The following DENND1A variants were observed in gnomAD, a reference collection of about 807,000 sequenced individuals.
The protein encoded by DENND1A is DENN domain containing 1A, also known as DENN domain-containing protein 1A.
In DENND1A, 51 loss-of-function variants were observed where a neutral mutation model predicts 113.7. The ratio of observed to expected loss-of-function variants is 0.45; its 90% confidence interval spans 0.36 to 0.57. The LOEUF (loss-of-function observed/expected upper bound fraction) is 0.57, where lower values mean the gene tolerates loss of function less well. Among genes scored for constraint, DENND1A ranks in the 20% least tolerant of loss-of-function variants. DENND1A has a pLI of 0.00. For missense variants in DENND1A, 1,258 were observed against 1,395.9 expected (o/e 0.90, Z 1.57); for synonymous variants, 565 against 570.8 (o/e 0.99, Z 0.14).
At chr9:123,445,822 A>G (rs1391463728) in intron 18 of DENND1A, among the ~76,000 whole-genome samples, 1 of 152,148 alleles carries the variant, frequency 6.6e-6, no homozygotes, top group East Asian at 1.9e-4. Context: ...AGCTGAGATC[A>G]CACCACTGCA....
rs2042199522 is a variant in DENND1A, at chr9:123,380,085, G to GT, written c.*1346dup. On this transcript the variant is annotated 3_prime_UTR_variant, in exon 24 of 24. Transcript: ENST00000394215. Reference sequence around the variant, plus strand: ...CTCAGACATAGAGGGGGCTCCCTGGGTGACATCTCCAGAGACCCCCTTGTC... The same window carrying GT: ...CTCAGACATAGAGGGGGCTCCCTGGGTTGACATCTCCAGAGACCCCCTTGTC... 6.6e-6 allele frequency: 1 copy of GT among 152,240 alleles called. No individual in the cohort carries two copies. Among genetic ancestry groups the GT allele is most frequent in the Admixed American group, 6.5e-5 (1 of 15,278 alleles). 9.4% of individuals were successfully genotyped at this position (152,240 alleles called of 1,614,324 possible). A position where few individuals can be genotyped will look rare whatever the true frequency, so the allele number is the denominator to read the frequency against.
chr9:123,823,402 CA>C (rs1838810707), intron 2 of DENND1A, among the ~76,000 whole-genome samples: 2 of 151,924 alleles, frequency 1.3e-5, no homozygotes, highest in South Asian at 4.2e-4. Context: ...GAATGCGGGT[CA>C]AAAGAAGAAA....
At chr9:123,652,386 G>A (rs1177959143) in intron 8 of DENND1A, 8 of 357,166 alleles carry the variant, frequency 2.2e-5, no homozygotes, top group South Asian at 1.8e-4. Context: ...CCAGCACTTA[G>A]GTCAGTTCCT....
intron 1 of DENND1A, among the ~76,000 whole-genome samples, chr9:123,904,426 C>T (rs1393039186): frequency 8.7e-5 from 13 of 150,210 alleles, no homozygotes; most frequent in Admixed American, 1.3e-4. Context: ...CTCTGAGCTA[C>T]GGGAGGACAT....
intron 11 of DENND1A, among the ~76,000 whole-genome samples, chr9:123,594,231 G>T (rs2059588562): frequency 6.6e-6 from 1 of 152,146 alleles, no homozygotes; most frequent in Non-Finnish European, 1.5e-5. Flanking sequence ...TGTGTATCAG[G>T]AACTGTGTGA....
intron 19 of DENND1A, among the ~76,000 whole-genome samples, chr9:123,425,591 C>G (rs1016429065): frequency 6.6e-6 from 1 of 150,776 alleles, no homozygotes; most frequent in Non-Finnish European, 1.5e-5. Flanking sequence ...CCTTTCCTGC[C>G]CGCACTCATT....
intron 13 of DENND1A, among the ~76,000 whole-genome samples, chr9:123,467,437 C>T (rs911393300): frequency 1.7e-4 from 26 of 152,252 alleles, no homozygotes; most frequent in African/African-American, 5.5e-4. Flanking sequence ...GGGTGGCTCA[C>T]GAGGTCAAGA....
intron 13 of DENND1A, 107 bp from the exon 14 acceptor site, chr9:123,458,004 CTT>C (rs71390436): frequency 5.6e-3 from 3,118 of 561,246 alleles, no homozygotes; most frequent in South Asian, 8.6e-3. Flanking sequence ...TTTTCTTTTC[CTT>C]TTTTTTTTTT....
intron 11 of DENND1A, among the ~76,000 whole-genome samples, chr9:123,607,385 C>A (rs1417041804): frequency 6.7e-6 from 1 of 148,300 alleles, no homozygotes; most frequent in Non-Finnish European, 1.5e-5. Context: ...TCAGTGTGTT[C>A]CACTTAGGTG....
rs1328795857 is a variant in DENND1A at position 123,457,894 on chromosome 9, C to T, written c.997G>A (p.Glu333Lys). The T allele has an allele frequency of 6.2e-7, 1 of 1,609,166 alleles. No homozygotes were observed. The highest frequency in any genetic ancestry group is 8.5e-7 in the Non-Finnish European group (1 of 1,177,808). The part of the protein sequence containing the change: ...YRNALKIEPE[E>K]PITFCEEAFV... ...GCTTCCTCACAGAAAGTGATCGGCT[C>T]CTCCTGGGAAGTGCAGAGGGGAGAG... The change falls in exon 14 of 24, where the codon GAG (glutamate) becomes AAG (lysine). Residue 333 changes from glutamate (E) to lysine (K), a missense_variant. By Grantham distance (56) the Glu-to-Lys change is moderately conservative. Transcript: ENST00000394215.
At chr9:123,440,035 TA>T (rs1460758948) in intron 19 of DENND1A, 3 of 173,570 alleles carry the variant, frequency 1.7e-5, no homozygotes, top group Non-Finnish European at 3.6e-5. Context: ...CCCGGGATGC[TA>T]AAGTGTTCTA....
intron 2 of DENND1A, among the ~76,000 whole-genome samples, chr9:123,860,575 A>G (rs1281692568): frequency 6.6e-6 from 1 of 152,136 alleles, no homozygotes; most frequent in Non-Finnish European, 1.5e-5. Flanking sequence ...AAGACTTACC[A>G]CTCTACACAA....
Position 123,878,982 on chromosome 9 carries a change from C to T in DENND1A, c.57G>A (p.Val19=). 3.7e-6 allele frequency: 6 copies of T among 1,613,912 alleles called. No individual in the cohort carries two copies. Among genetic ancestry groups the T allele is most frequent in the Non-Finnish European group, 5.1e-6 (6 of 1,179,926 alleles). ...GAGTGCCACCTGTCCTGGGATAGGCCACTTCAACATATACTTCAAATGTGG... is the reference window on the plus strand; with the variant it reads ...GAGTGCCACCTGTCCTGGGATAGGCTACTTCAACATATACTTCAAATGTGG... ...PETTFEVYVE[V]AYPRTGGTLS... The change falls in exon 2 of 24, where the codon GTG becomes GTA. Residue 19 remains valine (V), a synonymous_variant. Coordinates refer to ENST00000394215, the MANE Select transcript of DENND1A (RefSeq NM_001352964.2).
intron 10 of DENND1A, 75 bp from the exon 11 acceptor site, chr9:123,609,556 AT>A: frequency 6.5e-7 from 1 of 1,529,640 alleles, no homozygotes; most frequent in Non-Finnish European, 8.9e-7. Flanking sequence ...ATGGTTCACT[AT>A]TTGGAGAAAA....
At chr9:123,520,704 C>T (rs1356672423) in intron 13 of DENND1A, among the ~76,000 whole-genome samples, 2 of 152,220 alleles carry the variant, frequency 1.3e-5, no homozygotes, top group Non-Finnish European at 2.9e-5. Context: ...AACTGCCTGC[C>T]TCTGACCTTC....
At chr9:123,477,654 G>A (rs946705474) in intron 13 of DENND1A, among the ~76,000 whole-genome samples, 4 of 151,814 alleles carry the variant, frequency 2.6e-5, no homozygotes, top group African/African-American at 9.7e-5. Flanking sequence ...TTAATACCTA[G>A]GTGATGTGTT....
rs1454259243 is a variant in DENND1A, at chr9:123,607,553, T to A, written c.765+1883A>T. On this transcript the variant is annotated intron_variant, in intron 11 of 23. Transcript: ENST00000394215. Reference sequence around the variant, plus strand: ...GAGAGAGAGAGAGAGAGAGAGTGTGTGTGTGTGTGTGTGTGTGTGTGTGTG... The same window carrying A: ...GAGAGAGAGAGAGAGAGAGAGTGTGAGTGTGTGTGTGTGTGTGTGTGTGTG... Among the ~76,000 whole-genome samples, 219 of 124,190 alleles carry A rather than the reference T, an allele frequency of 1.8e-3. 1 individual carries two copies. Among genetic ancestry groups the A allele is most frequent in the Non-Finnish European group, 3.4e-3 (192 of 55,830 alleles). 81.5% of individuals were successfully genotyped at this position (124,190 alleles called of 152,430 possible).
chr9:123,531,256 G>A (rs1010548768), intron 13 of DENND1A, among the ~76,000 whole-genome samples: 2 of 151,922 alleles, frequency 1.3e-5, no homozygotes, highest in Non-Finnish European at 2.9e-5. Context: ...AATCCACTTC[G>A]TAGAAGGTTT....
At chr9:123,391,058 A>C (rs1283069373) in intron 21 of DENND1A, among the ~76,000 whole-genome samples, 1 of 152,222 alleles carries the variant, frequency 6.6e-6, no homozygotes, top group Non-Finnish European at 1.5e-5. Flanking sequence ...CACTGTCACA[A>C]TCCAGCGCTG....
Sources: gnomAD v4.1 joint callset for allele counts (sites outside exome capture counted in the v4.1 genomes callset) on GRCh38, gnomAD v4.1.1 for gene constraint, MANE v1.5 for transcripts, NCBI Gene and HGNC (gene_info 2026-07-23, HGNC 2026-07-21) for gene names.